UNC5D: variants seen among roughly 807,000 people sequenced by gnomAD.
The protein encoded by UNC5D is netrin receptor UNC5D.
A neutral mutation model predicts 105.4 loss-of-function variants in UNC5D; 39 were observed. That is an observed-to-expected ratio of 0.37 (90% confidence interval 0.29 to 0.48). The LOEUF (loss-of-function observed/expected upper bound fraction) is 0.48. Ranked by LOEUF, UNC5D falls within the 20% of genes least tolerant of loss-of-function variation. The pLI is 0.98. For synonymous variants in UNC5D, 452 were observed against 450.4 expected, an observed-to-expected ratio of 1.00 and a Z score of -0.04; for missense variants, 991 against 1,202.4, an observed-to-expected ratio of 0.82 and a Z score of 2.60.
chr8:35,272,225 A>G (rs1156244763), intron 1 of UNC5D, among the ~76,000 whole-genome samples: 1 of 152,212 alleles, frequency 6.6e-6, no homozygotes, highest in African/African-American at 2.4e-5. Context: ...TATTACTTGA[A>G]GTATATTTTC....
At chr8:35,735,078 C>G (rs1829397055) in intron 11 of UNC5D, among the ~76,000 whole-genome samples, 1 of 152,064 alleles carries the variant, frequency 6.6e-6, no homozygotes. Context: ...ACGTGCCCAG[C>G]CTTTAGATCA....
chr8:35,554,555 G>C (rs1816396795), intron 2 of UNC5D, among the ~76,000 whole-genome samples: 1 of 152,164 alleles, frequency 6.6e-6, no homozygotes, highest in Admixed American at 6.5e-5. Context: ...CAGTAACGTA[G>C]AAATTAGGAG....
intron 1 of UNC5D, among the ~76,000 whole-genome samples, chr8:35,547,489 G>C (rs1815780395): frequency 6.6e-6 from 1 of 152,036 alleles, no homozygotes; most frequent in Non-Finnish European, 1.5e-5. Context: ...AGTAGAGACA[G>C]GGATTTGCCA....
chr8:35,292,250 C>T (rs963039193), intron 1 of UNC5D, among the ~76,000 whole-genome samples: 1 of 152,104 alleles, frequency 6.6e-6, no homozygotes, highest in Non-Finnish European at 1.5e-5. Flanking sequence ...GTAAAGTGTC[C>T]GAATTGCATT....
chr8:35,474,758 G>A (rs1809969411), intron 1 of UNC5D, among the ~76,000 whole-genome samples: 1 of 152,158 alleles, frequency 6.6e-6, no homozygotes, highest in African/African-American at 2.4e-5. Flanking sequence ...CTCATTGCAT[G>A]AGGCCATTGA....
intron 1 of UNC5D, among the ~76,000 whole-genome samples, chr8:35,489,776 C>T (rs1811079744): frequency 6.6e-6 from 1 of 152,188 alleles, no homozygotes; most frequent in Admixed American, 6.5e-5. Flanking sequence ...TCTACTTCTA[C>T]AAAACATGTA....
intron 1 of UNC5D, among the ~76,000 whole-genome samples, chr8:35,450,840 C>T (rs1808099741): frequency 6.6e-6 from 1 of 152,034 alleles, no homozygotes. Flanking sequence ...ATATTCAATA[C>T]TTATAAAACA....
intron 1 of UNC5D, among the ~76,000 whole-genome samples, chr8:35,480,200 A>C (rs541116569): frequency 6.6e-6 from 1 of 152,216 alleles, no homozygotes; most frequent in Non-Finnish European, 1.5e-5. Flanking sequence ...ATTTACTCTT[A>C]ACAGTATATG....
At chr8:35,564,752 C>T (rs1284182425) in intron 2 of UNC5D, among the ~76,000 whole-genome samples, 1 of 152,060 alleles carries the variant, frequency 6.6e-6, no homozygotes, top group Non-Finnish European at 1.5e-5. Flanking sequence ...CTATCCAATC[C>T]TCCCCACTTC....
At chr8:35,789,137 CTATATATATATATA>C (rs58201859) in intron 16 of UNC5D, among the ~76,000 whole-genome samples, 645 of 32,414 alleles carry the variant, frequency 0.02, 16 homozygotes, top group East Asian at 0.12. Flanking sequence ...GGAGAAAAGA[CTATATATATATATA>C]TATATATATA....
At chr8:35,433,243 A>G (rs75236331) in intron 1 of UNC5D, among the ~76,000 whole-genome samples, 2,204 of 152,290 alleles carry the variant, frequency 0.014, 66 homozygotes, top group African/African-American at 0.051. Context: ...TCAAGAGGAG[A>G]TAGATCTACC....
At chr8:35,434,496 G>A (rs1053180941) in intron 1 of UNC5D, among the ~76,000 whole-genome samples, 50 of 152,020 alleles carry the variant, frequency 3.3e-4, no homozygotes, top group African/African-American at 1.0e-3. Context: ...TACAATATTT[G>A]CTTCCAGACT....
At position 35,713,231 on chromosome 8, in the gene UNC5D, G is replaced by A. The variant is rs559645129; in HGVS notation, c.1117+7270G>A. Among the ~76,000 whole-genome samples the A allele has an allele frequency of 5.3e-5, 8 of 152,262 alleles. No homozygotes were observed. The East Asian group carries it at 1.5e-3, about 29-fold the overall frequency. On this transcript the variant is annotated intron_variant, in intron 8 of 16. Coordinates refer to ENST00000404895, the MANE Select transcript of UNC5D (RefSeq NM_080872.4). ...GTAAGTGATAAACTATTACTAGTGT[G>A]TTCTTTAGCACCAGAATAACTTGGG... is the stretch of plus-strand genomic sequence containing the variant.
intron 1 of UNC5D, among the ~76,000 whole-genome samples, chr8:35,411,262 G>T (rs1805146424): frequency 1.3e-5 from 2 of 152,018 alleles, no homozygotes; most frequent in South Asian, 2.1e-4. Context: ...TCTCAGAGAT[G>T]ATGAAAAACC....
chr8:35,508,059 A>G (rs1812453601), intron 1 of UNC5D, among the ~76,000 whole-genome samples: 1 of 152,198 alleles, frequency 6.6e-6, no homozygotes, highest in African/African-American at 2.4e-5. Flanking sequence ...TGGTCCTATC[A>G]TGACAGTCAT....
intron 1 of UNC5D, among the ~76,000 whole-genome samples, chr8:35,470,522 G>C (rs945777443): frequency 6.6e-6 from 1 of 150,654 alleles, no homozygotes; most frequent in Non-Finnish European, 1.5e-5. Context: ...TTGGGAGGCT[G>C]AGGTGGGATG....
intron 1 of UNC5D, among the ~76,000 whole-genome samples, chr8:35,298,000 T>C (rs537514750): frequency 6.6e-6 from 1 of 152,270 alleles, no homozygotes; most frequent in Non-Finnish European, 1.5e-5. Flanking sequence ...ACTGGTGATC[T>C]TTCTGGTCAG....
intron 1 of UNC5D, among the ~76,000 whole-genome samples, chr8:35,242,467 T>A (rs1802860811): frequency 6.6e-6 from 1 of 151,852 alleles, no homozygotes; most frequent in Non-Finnish European, 1.5e-5. Flanking sequence ...CAGCTTATTA[T>A]TTTATTTATT....
intron 1 of UNC5D, among the ~76,000 whole-genome samples, chr8:35,357,369 CT>C (rs1286689709): frequency 6.6e-6 from 1 of 152,234 alleles, no homozygotes; most frequent in African/African-American, 2.4e-5. Context: ...ATTTGTCCCC[CT>C]AACAAGCTTT....
Sources: allele counts gnomAD v4.1 joint callset (sites outside exome capture counted in the v4.1 genomes callset), GRCh38; gene constraint gnomAD v4.1.1; transcripts MANE v1.5; gene names NCBI Gene and HGNC (gene_info 2026-07-23, HGNC 2026-07-21).